The following CPAMD8 variants were observed in gnomAD, a reference collection of about 807,000 sequenced individuals.
CPAMD8 encodes the protein C3 and PZP like alpha-2-macroglobulin domain containing 8.
A neutral mutation model predicts 224.7 loss-of-function variants in CPAMD8; 146 were observed. The observed-to-expected ratio is 0.65, with a 90% confidence interval of 0.57 to 0.75. The LOEUF is 0.75. CPAMD8 is among the 30% of genes least tolerant of loss of function. The pLI is 0.00. For missense variants in CPAMD8, 2,301 were observed against 2,537.5 expected, an observed-to-expected ratio of 0.91 and a Z score of 2.00; for synonymous variants, 966 against 1,044.6, an observed-to-expected ratio of 0.92 and a Z score of 1.45.
chr19:16,978,786 C>A lies in CPAMD8; in HGVS notation c.1586-1246G>T, dbSNP rs572881033. ...CTATCCACTCATCTTTCTATCTATC[C>A]ATCCATCCATCTCTTCATCCATCCA... On this transcript the variant is annotated intron_variant, in intron 14 of 41. Coordinates refer to ENST00000443236, the MANE Select transcript of CPAMD8 (RefSeq NM_015692.5). Among the ~76,000 whole-genome samples the A allele has an allele frequency of 2.0e-5, 3 of 151,860 alleles. No homozygotes were observed. In the East Asian group the frequency reaches 5.8e-4, roughly 30 times the overall value.
intron 19 of CPAMD8, among the ~76,000 whole-genome samples, chr19:16,954,808 C>A (rs1220546225): frequency 6.6e-6 from 1 of 152,080 alleles, no homozygotes; most frequent in African/African-American, 2.4e-5. Flanking sequence ...CATGGTGAAA[C>A]CCCATCTCTA....
chr19:17,007,288 C>T (rs1231961338), intron 7 of CPAMD8, among the ~76,000 whole-genome samples: 17 of 151,608 alleles, frequency 1.1e-4, no homozygotes, highest in African/African-American at 3.4e-4. Flanking sequence ...GAGCCGACAT[C>T]GTGCCACTGC....
At chr19:17,019,382 C>T (rs2056894487) in intron 3 of CPAMD8, among the ~76,000 whole-genome samples, 4 of 152,150 alleles carry the variant, frequency 2.6e-5, no homozygotes. Context: ...CTCGGCCTCC[C>T]AGAGTGCTAG....
chr19:16,893,110 A>G lies in CPAMD8; in HGVS notation c.5656T>C (p.Ter1886GlnextTer?), dbSNP rs749781467. The G allele has an allele frequency of 9.7e-6, 13 of 1,344,700 alleles. No individual in the cohort carries two copies. Among genetic ancestry groups the G allele is most frequent in the Non-Finnish European group, 1.4e-5 (13 of 936,034 alleles). The allele number at this position is 1,344,700 out of a possible 1,614,324, so 83.3% of individuals were successfully genotyped here. A position where few individuals can be genotyped will look rare whatever the true frequency, so the allele number is the denominator to read the frequency against. The change falls in exon 42 of 42, where the codon TAA becomes CAA. Residue 1886 changes from the stop codon to glutamine, a stop_lost. Coordinates refer to ENST00000443236, the MANE Select transcript of CPAMD8 (RefSeq NM_015692.5). The part of the protein sequence containing the change: ...LWMSNTCTLR[*>Q] ...CACAACTGCATGTGGTTGTAGGATTATCTCAAGGTGCAGGTGTTTGACATC... is the reference window on the plus strand; with the variant it reads ...CACAACTGCATGTGGTTGTAGGATTGTCTCAAGGTGCAGGTGTTTGACATC...
In CPAMD8 at chr19:16,970,939, G is replaced by A; in HGVS notation, c.2165C>T (p.Pro722Leu). Residue 722 changes from proline to leucine, a missense_variant, in exon 18 of 42, where the codon CCC (proline) becomes CTC (leucine). Coordinates refer to ENST00000443236, the MANE Select transcript of CPAMD8 (RefSeq NM_015692.5). ...CACTGCCACCAGGCTCCCTGTGTGGGGCTGGAAAGCGGGGACAGCCTCATC... is the reference window on the plus strand; with the variant it reads ...CACTGCCACCAGGCTCCCTGTGTGGAGCTGGAAAGCGGGGACAGCCTCATC... ...YTDEAVPAFQPHTGSLVAVAP... is the reference protein window; with the variant it reads ...YTDEAVPAFQLHTGSLVAVAP... 1 of 1,613,944 alleles carries A rather than the reference G, an allele frequency of 6.2e-7. No homozygotes were observed. The highest frequency in any genetic ancestry group is 1.1e-5 in the South Asian group (1 of 91,054).
At chr19:16,956,550 C>T (rs1485375616) in intron 19 of CPAMD8, among the ~76,000 whole-genome samples, 1 of 152,278 alleles carries the variant, frequency 6.6e-6, no homozygotes, top group East Asian at 1.9e-4. Flanking sequence ...AACATCCGGG[C>T]CAGGAGCAGT....
At chr19:16,983,807 C>T (rs1242805166) in intron 13 of CPAMD8, among the ~76,000 whole-genome samples, 2 of 152,136 alleles carry the variant, frequency 1.3e-5, no homozygotes, top group Non-Finnish European at 2.9e-5. Flanking sequence ...AAGATGTTAG[C>T]ATTAGGGGAA....
Position 16,899,791 on chromosome 19 carries a change from G to T in CPAMD8, c.4774-242C>A, listed in dbSNP as rs2052174833. On this transcript the variant is annotated intron_variant, in intron 36 of 41. Coordinates refer to ENST00000443236, the MANE Select transcript of CPAMD8 (RefSeq NM_015692.5). The surrounding 1 kb of genome is among the most constrained non-coding windows in gnomAD (Gnocchi z 5.4). Reference sequence around the variant, plus strand: ...CCTCCCTATACACTCCCTCAACCCAGCCCCAAGCCCAGGTCAGGCTTCTCC... The same window carrying T: ...CCTCCCTATACACTCCCTCAACCCATCCCCAAGCCCAGGTCAGGCTTCTCC... Among the ~76,000 whole-genome samples the T allele has an allele frequency of 6.6e-6, 1 of 151,894 alleles. No homozygotes were observed. The highest frequency in any genetic ancestry group is 2.4e-5 in the African/African-American group (1 of 41,328).
At chr19:16,939,917 T>C (rs2053830208) in intron 22 of CPAMD8, among the ~76,000 whole-genome samples, 1 of 151,876 alleles carries the variant, frequency 6.6e-6, no homozygotes, top group Admixed American at 6.6e-5. Flanking sequence ...TTTGTTTTTG[T>C]TTTTGTTTTT....
intron 27 of CPAMD8, among the ~76,000 whole-genome samples, chr19:16,917,310 G>A (rs1406885923): frequency 6.6e-6 from 1 of 152,136 alleles, no homozygotes; most frequent in East Asian, 1.9e-4. Context: ...ATAACGTTTT[G>A]ATGCCGGTCC....
chr19:17,008,588 C>T lies in CPAMD8; in HGVS notation c.505-29G>A, dbSNP rs567052813. 83 of 1,612,014 alleles carry T rather than the reference C, an allele frequency of 5.1e-5. No homozygotes were observed. The Middle Eastern group carries it at 1.7e-3, about 32-fold the overall frequency. The stretch of plus-strand genomic sequence containing the variant: ...TTGGTGGTGGAGGGGGACAGACACA[C>T]GGAGTGAACTCAGGCTAGCCTAGCA... On this transcript the variant is annotated intron_variant, in intron 6 of 41. Coordinates refer to ENST00000443236, the MANE Select transcript of CPAMD8 (RefSeq NM_015692.5).
At chr19:16,983,636 C>T (rs994796709) in intron 13 of CPAMD8, among the ~76,000 whole-genome samples, 4 of 152,046 alleles carry the variant, frequency 2.6e-5, no homozygotes, top group South Asian at 4.2e-4. Flanking sequence ...ACCAAGGAGA[C>T]GTGATGACTA....
At chr19:17,014,112 T>A (rs987273149) in intron 3 of CPAMD8, among the ~76,000 whole-genome samples, 2 of 150,928 alleles carry the variant, frequency 1.3e-5, no homozygotes, top group Non-Finnish European at 3.0e-5. Context: ...AGTCCAATGG[T>A]GCGATCAGAG....
chr19:17,014,051 C>T (rs868601257), intron 3 of CPAMD8, among the ~76,000 whole-genome samples: 1 of 130,298 alleles, frequency 7.7e-6, no homozygotes, highest in Non-Finnish European at 1.6e-5. Context: ...TTCTCTTTCT[C>T]TTTCTTTCTT....
At chr19:16,916,360 T>TGAGTAGCTGGGAATACAGCCTCCC (rs1568471620) in intron 27 of CPAMD8, among the ~76,000 whole-genome samples, 1 of 151,872 alleles carries the variant, frequency 6.6e-6, no homozygotes, top group East Asian at 2.0e-4. Flanking sequence ...CTCAGCCTCC[T>TGAGTAGCTGGGAATACAGCCTCCC]GAGTAGCTGG....
At chr19:16,927,942 A>C in intron 25 of CPAMD8, 67 bp downstream of exon 25, 1 of 1,169,556 alleles carries the variant, frequency 8.6e-7, no homozygotes, top group Non-Finnish European at 1.3e-6. Flanking sequence ...CTTGAGACTA[A>C]GCCTGGAGTC....
intron 14 of CPAMD8, among the ~76,000 whole-genome samples, chr19:16,979,296 C>A (rs55801166): frequency 0.48 from 71,729 of 148,768 alleles, 20,415 homozygotes; most frequent in African/African-American, 0.81. Context: ...CCTTCTGTAC[C>A]TCCATCCATC....
rs989248109 is a variant in CPAMD8 at position 16,947,336 on chromosome 19, C to T, written c.2509-109G>A. 8 of 1,336,922 alleles carry T rather than the reference C, an allele frequency of 6.0e-6. No homozygotes were observed. The East Asian group carries it at 1.0e-4, about 17-fold the overall frequency. 82.8% of individuals were successfully genotyped at this position (1,336,922 alleles called of 1,614,324 possible). Reference sequence around the variant, plus strand: ...CACTGCACACACCAGACTTGTCAGCCTCCCAAAGAGCCATGCTCCCCCCGG... The same window carrying T: ...CACTGCACACACCAGACTTGTCAGCTTCCCAAAGAGCCATGCTCCCCCCGG... On this transcript the variant is annotated intron_variant, in intron 20 of 41. Transcript: ENST00000443236.
At chr19:16,987,107 C>A (rs2055747929) in intron 13 of CPAMD8, among the ~76,000 whole-genome samples, 1 of 125,770 alleles carries the variant, frequency 8.0e-6, no homozygotes, top group South Asian at 2.7e-4. Flanking sequence ...TGCAGTGAGC[C>A]GAGATTGTGC....
Sources: gnomAD v4.1 joint callset for allele counts (sites outside exome capture counted in the v4.1 genomes callset) on GRCh38, gnomAD v4.1.1 for gene constraint, Gnocchi (gnomAD v3.1) non-coding constraint, MANE v1.5 for transcripts, NCBI Gene and HGNC (gene_info 2026-07-23, HGNC 2026-07-21) for gene names.